Variants in LPGAT1 observed in about 807,000 individuals in gnomAD.
LPGAT1 encodes the protein acyl-CoA:lysophosphatidylglycerol acyltransferase 1.
A neutral mutation model predicts 47.5 loss-of-function variants in LPGAT1; 11 were observed. The ratio of observed to expected loss-of-function variants is 0.23; its 90% CI spans 0.15 to 0.38. The LOEUF is 0.38. LPGAT1 is among the 10% of genes least tolerant of loss of function. The probability of loss-of-function intolerance (pLI) is 1.00; values close to 1 mark genes in which losing one functional copy is unlikely to be tolerated. For missense variants in LPGAT1, 293 were observed against 439.0 expected (o/e 0.67, Z 2.97); for synonymous variants, 138 against 144.2 (o/e 0.96, Z 0.31).
At chr1:211,761,060 C>T (rs147863492) in intron 6 of LPGAT1, among the ~76,000 whole-genome samples, 3 of 152,270 alleles carry the variant, frequency 2.0e-5, no homozygotes, top group African/African-American at 7.2e-5. Flanking sequence ...CCTTTACCAT[C>T]CTGAGTAGCA....
chr1:211,779,949 G>A (rs1658569995), intron 5 of LPGAT1, among the ~76,000 whole-genome samples: 3 of 151,910 alleles, frequency 2.0e-5, no homozygotes, highest in Admixed American at 1.3e-4. Context: ...AGGCTGAGGC[G>A]GGCAGATCAC....
At chr1:211,786,950 A>C (rs1388661127) in intron 4 of LPGAT1, among the ~76,000 whole-genome samples, 2 of 152,102 alleles carry the variant, frequency 1.3e-5, no homozygotes, top group African/African-American at 4.8e-5. Context: ...TCCCCACAAC[A>C]ACCATTGTGG....
At chr1:211,775,923 T>C (rs532399955) in intron 6 of LPGAT1, among the ~76,000 whole-genome samples, 37 of 134,790 alleles carry the variant, frequency 2.7e-4, no homozygotes, top group African/African-American at 9.1e-4. Context: ...AAGAGCAAAA[T>C]GCCATCTCAA....
At chr1:211,802,159 T>G (rs1179142402) in intron 2 of LPGAT1, among the ~76,000 whole-genome samples, 1 of 151,740 alleles carries the variant, frequency 6.6e-6, no homozygotes, top group Non-Finnish European at 1.5e-5. Context: ...AATGCTTCTT[T>G]GGAGTTTTCA....
intron 6 of LPGAT1, among the ~76,000 whole-genome samples, chr1:211,774,422 ACT>A (rs767431087): frequency 1.2e-4 from 18 of 151,672 alleles, no homozygotes; most frequent in Non-Finnish European, 1.9e-4. Context: ...AGCCTGAAAG[ACT>A]CTTTTACCTG....
In LPGAT1 at chr1:211,830,738, A is replaced by C; in HGVS notation, c.-193T>G. On this transcript the variant is annotated 5_prime_UTR_variant, in exon 1 of 8. Transcript: ENST00000366997. This position sits in a 1 kb window ranked among gnomAD's most constrained non-coding sequence, Gnocchi z 5.9. ...CGGCGGCGCCGAGACTCGGTCCCCA[A>C]GGGCCCGGCCGCGTTCGCCCGGACT... 6 of 1,167,254 alleles carry C rather than the reference A, an allele frequency of 5.1e-6. No individual in the cohort carries two copies. The highest frequency in any genetic ancestry group is 6.3e-6 in the Non-Finnish European group (6 of 946,566). The allele number at this position is 1,167,254 out of a possible 1,614,324, so 72.3% of individuals were successfully genotyped here. A position where few individuals can be genotyped will look rare whatever the true frequency, so the allele number is the denominator to read the frequency against.
chr1:211,766,199 T>C (rs1217366295), intron 6 of LPGAT1, among the ~76,000 whole-genome samples: 1 of 152,136 alleles, frequency 6.6e-6, no homozygotes, highest in African/African-American at 2.4e-5. Flanking sequence ...AGACTAGAAC[T>C]GACAACGTTG....
chr1:211,798,921 A>G (rs1268186459), intron 2 of LPGAT1, among the ~76,000 whole-genome samples: 1 of 152,130 alleles, frequency 6.6e-6, no homozygotes, highest in Non-Finnish European at 1.5e-5. Flanking sequence ...TTGCAAACAA[A>G]CAGCTGACTA....
intron 6 of LPGAT1, among the ~76,000 whole-genome samples, chr1:211,752,261 A>G (rs1213534532): frequency 6.6e-6 from 1 of 152,202 alleles, no homozygotes; most frequent in Non-Finnish European, 1.5e-5. Context: ...GTCTATAATC[A>G]ATGCTCTAAA....
At chr1:211,827,304 C>T (rs1163889255) in intron 2 of LPGAT1, among the ~76,000 whole-genome samples, 1 of 152,126 alleles carries the variant, frequency 6.6e-6, no homozygotes, top group African/African-American at 2.4e-5. Flanking sequence ...TTACACAGTT[C>T]TATAGTCAGC....
intron 2 of LPGAT1, among the ~76,000 whole-genome samples, chr1:211,796,348 TAAG>T (rs1312267050): frequency 1.3e-5 from 2 of 152,024 alleles, no homozygotes; most frequent in African/African-American, 2.4e-5. Context: ...GGAGTCCTTA[TAAG>T]AATAGGAAAA....
chr1:211,791,423 T>C (rs765922223), intron 3 of LPGAT1, among the ~76,000 whole-genome samples: 8 of 152,028 alleles, frequency 5.3e-5, no homozygotes, highest in Non-Finnish European at 1.2e-4. Context: ...AGGTACACAG[T>C]GCACTTACCC....
intron 6 of LPGAT1, among the ~76,000 whole-genome samples, chr1:211,777,138 T>C (rs572635144): frequency 1.3e-5 from 2 of 152,298 alleles, no homozygotes; most frequent in Non-Finnish European, 2.9e-5. Context: ...GGTGTCCTGA[T>C]GGCCAAAAAC....
intron 6 of LPGAT1, among the ~76,000 whole-genome samples, chr1:211,774,129 A>ATTTTTTTT (rs1658288533): frequency 4.3e-5 from 1 of 23,184 alleles, no homozygotes. Flanking sequence ...GTTTTTTAAA[A>ATTTTTTTT]GTCTTTTTTT....
chr1:211,814,376 A>G (rs950036721), intron 2 of LPGAT1, among the ~76,000 whole-genome samples: 2 of 152,220 alleles, frequency 1.3e-5, no homozygotes, highest in East Asian at 3.8e-4. Context: ...TTTCAAAGAA[A>G]CAAAGAACAG....
At chr1:211,761,864 G>A (rs539164001) in intron 6 of LPGAT1, among the ~76,000 whole-genome samples, 3 of 152,256 alleles carry the variant, frequency 2.0e-5, no homozygotes, top group South Asian at 4.1e-4. Flanking sequence ...TGCACAAAAT[G>A]CCCACCCATC....
chr1:211,820,313 G>T (rs1028485333), intron 2 of LPGAT1, among the ~76,000 whole-genome samples: 9 of 152,108 alleles, frequency 5.9e-5, no homozygotes, highest in African/African-American at 2.2e-4. Context: ...TACTGACTGA[G>T]AGATACTTTA....
At chr1:211,810,088 AC>A (rs1659912790) in intron 2 of LPGAT1, among the ~76,000 whole-genome samples, 1 of 152,104 alleles carries the variant, frequency 6.6e-6, no homozygotes, top group Admixed American at 6.6e-5. Context: ...AGCAGAAGAA[AC>A]GTAACTCTAT....
At chr1:211,809,914 AAAG>A (rs1659906573) in intron 2 of LPGAT1, among the ~76,000 whole-genome samples, 1 of 152,184 alleles carries the variant, frequency 6.6e-6, no homozygotes, top group Non-Finnish European at 1.5e-5. Flanking sequence ...TCCTAAAGGT[AAAG>A]GATTACACCA....
Sources: gnomAD v4.1 joint callset for allele counts (sites outside exome capture counted in the v4.1 genomes callset) on GRCh38, gnomAD v4.1.1 for gene constraint, Gnocchi (gnomAD v3.1) non-coding constraint, MANE v1.5 for transcripts, NCBI Gene and HGNC (gene_info 2026-07-23, HGNC 2026-07-21) for gene names.